HAPLN2: variants seen among roughly 807,000 people sequenced by gnomAD.
HAPLN2 encodes the protein hyaluronan and proteoglycan link protein 2, also known as brain link protein-1.
A neutral mutation model predicts 29.3 loss-of-function variants in HAPLN2; 27 were observed. That is an observed-to-expected ratio of 0.92 (90% CI 0.68 to 1.27). The LOEUF (loss-of-function observed/expected upper bound fraction) is 1.27. Among genes scored for constraint, HAPLN2 ranks in the 50% most tolerant of loss-of-function variants. The pLI is 0.00. For synonymous variants in HAPLN2, 208 were observed against 211.7 expected, an observed-to-expected ratio of 0.98 and a Z score of 0.15; for missense variants, 454 against 484.3, an observed-to-expected ratio of 0.94 and a Z score of 0.59.
At chr1:156,623,334 C>T (rs1308247136) in intron 2 of HAPLN2, 133 bp from the exon 3 acceptor site, 3 of 671,174 alleles carry the variant, frequency 4.5e-6, no homozygotes, top group East Asian at 2.8e-5. Context: ...GTCACCAACC[C>T]CTTTTCTCTG....
chr1:156,605,245 G>A, the HAPLN2 span, among the ~76,000 whole-genome samples: 3 of 150,022 alleles, frequency 2.0e-5, no homozygotes, highest in African/African-American at 2.5e-5. Flanking sequence ...CAGCCTGTAC[G>A]ATAGGGTGAG....
the HAPLN2 span, among the ~76,000 whole-genome samples, chr1:156,612,822 A>G: frequency 6.6e-6 from 1 of 151,898 alleles, no homozygotes; most frequent in Non-Finnish European, 1.5e-5. Flanking sequence ...CTTCCTAAAA[A>G]CTCTTGCAGT....
intron 2 of HAPLN2, among the ~76,000 whole-genome samples, chr1:156,621,945 G>A (rs1294961224): frequency 6.7e-6 from 1 of 149,740 alleles, no homozygotes; most frequent in African/African-American, 2.5e-5. Context: ...AACAGAGCGA[G>A]ACTCCATCTA....
At chr1:156,602,499 G>A in the HAPLN2 span, among the ~76,000 whole-genome samples, 1 of 124,172 alleles carries the variant, frequency 8.1e-6, no homozygotes, top group Non-Finnish European at 1.6e-5. Context: ...CTTGAGCCCA[G>A]AAGTTCAAGA....
At chr1:156,618,375 G>A (rs1326738397), upstream of HAPLN2, among the ~76,000 whole-genome samples, 1 of 150,840 alleles carries the variant, frequency 6.6e-6, no homozygotes, top group Non-Finnish European at 1.5e-5. Flanking sequence ...AGATAATTTC[G>A]AGGCTAAGGG....
chr1:156,623,478 CT>C lies in HAPLN2; in HGVS notation c.-12del, dbSNP rs777327763. ...TTTGTGCCCTGCAGACGGTGCCGGG[CT>C]GACCCCCCATCATGCCAGGCTGGCT... On this transcript the variant is annotated 5_prime_UTR_variant, in exon 3 of 7. Coordinates refer to ENST00000255039, the MANE Select transcript of HAPLN2 (RefSeq NM_021817.3). 6 of 1,613,726 alleles carry C rather than the reference CT, an allele frequency of 3.7e-6. No individual in the cohort carries two copies. The highest frequency in any genetic ancestry group is 5.1e-6 in the Non-Finnish European group (6 of 1,179,918).
chr1:156,624,739 T>C lies in HAPLN2; in HGVS notation c.695T>C (p.Met232Thr). 6.4e-7 allele frequency: 1 copy of C among 1,556,664 alleles called. No individual in the cohort carries two copies. ...GIRSYGPRDR[M>T]RDRYDAFCFT... ...CGCAGCTACGGACCCCGCGACCGGA[T>C]GCGCGACCGCTACGACGCCTTCTGC... is the stretch of plus-strand genomic sequence containing the variant. The change falls in exon 6 of 7, where the codon ATG becomes ACG. Residue 232 changes from methionine to threonine, a missense_variant. By Grantham distance (81) the Met-to-Thr change is moderately conservative. Coordinates refer to ENST00000255039, the MANE Select transcript of HAPLN2 (RefSeq NM_021817.3).
the HAPLN2 span, among the ~76,000 whole-genome samples, chr1:156,610,150 G>T: frequency 1.3e-5 from 2 of 152,046 alleles, no homozygotes; most frequent in Non-Finnish European, 2.9e-5. Flanking sequence ...GGAGGTGGAG[G>T]TTCCAATGAG....
rs1051699807 is a variant in HAPLN2, at chr1:156,624,778, T to A, written c.734T>A (p.Leu245Gln). 14 of 1,502,568 alleles carry A rather than the reference T, an allele frequency of 9.3e-6. No individual in the cohort carries two copies. The African/African-American group carries it at 1.9e-4, about 21-fold the overall frequency. The allele number at this position is 1,502,568 out of a possible 1,614,324, so 93.1% of individuals were successfully genotyped here. A position where few individuals can be genotyped will look rare whatever the true frequency, so the allele number is the denominator to read the frequency against. Residue 245 changes from leucine to glutamine, a missense_variant, in exon 6 of 7, where the codon CTG becomes CAG. Transcript: ENST00000255039. The stretch of plus-strand genomic sequence containing the variant: ...GACGCCTTCTGCTTCACCTCCGCGC[T>A]GGCGGGTGAGGCGCGGGACGAAGGC... ...RYDAFCFTSA[L>Q]AGQVFFVPGR...
chr1:156,608,783 C>T, the HAPLN2 span, among the ~76,000 whole-genome samples: 12 of 152,240 alleles, frequency 7.9e-5, no homozygotes, highest in African/African-American at 2.9e-4. Context: ...CCTCGTGATC[C>T]ACCCGCCCTC....
chr1:156,625,594 A>C lies in HAPLN2; in HGVS notation c.*210A>C. The C allele has an allele frequency of 1.9e-6, 1 of 516,166 alleles. No homozygotes were observed. The highest frequency in any genetic ancestry group is 3.3e-6 in the Non-Finnish European group (1 of 303,184). The allele number at this position is 516,166 out of a possible 1,614,324, so 32.0% of individuals were successfully genotyped here. A position where few individuals can be genotyped will look rare whatever the true frequency, so the allele number is the denominator to read the frequency against. ...GGGGGCGCCTCCGGCGGCGAGATGCAGAGGTGACCCTCGGACCCGCTGCCG... is the reference window on the plus strand; with the variant it reads ...GGGGGCGCCTCCGGCGGCGAGATGCCGAGGTGACCCTCGGACCCGCTGCCG... On this transcript the variant is annotated 3_prime_UTR_variant, in exon 7 of 7. Transcript: ENST00000255039. The surrounding 1 kb of genome is among the most constrained non-coding windows in gnomAD (Gnocchi z 5.7).
the HAPLN2 span, among the ~76,000 whole-genome samples, chr1:156,604,840 A>G: frequency 6.6e-6 from 1 of 152,224 alleles, no homozygotes; most frequent in Admixed American, 6.5e-5. Flanking sequence ...ATGGAATAGA[A>G]GACAATATTG....
chr1:156,609,826 G>A, the HAPLN2 span, among the ~76,000 whole-genome samples: 1 of 151,970 alleles, frequency 6.6e-6, no homozygotes, highest in East Asian at 1.9e-4. Flanking sequence ...TTACTACCTG[G>A]GTGACAAAAT....
upstream of HAPLN2, among the ~76,000 whole-genome samples, chr1:156,618,778 C>CAAAA (rs67222173): frequency 9.6e-5 from 4 of 41,642 alleles, no homozygotes; most frequent in African/African-American, 1.4e-4. Context: ...GACTCCGTCT[C>CAAAA]AAAAAAAAAA....
In HAPLN2 at chr1:156,624,638, G is replaced by A. The variant is rs1311966905; in HGVS notation, c.594G>A (p.Trp198Ter). The change falls in exon 6 of 7, where the codon TGG (tryptophan) becomes TGA (stop). Residue 198 changes from tryptophan to a stop codon, truncating the protein, a stop_gained. Transcript: ENST00000255039. LOFTEE classifies it high-confidence loss of function. ...TEGLDWCNAG[W>*]LLEGSVRYPV... is the part of the protein sequence containing the mutation. ...GTCTGGACTGGTGTAACGCGGGCTGGCTGCTCGAGGGCTCCGTGCGCTACC... is the reference window on the plus strand; with the variant it reads ...GTCTGGACTGGTGTAACGCGGGCTGACTGCTCGAGGGCTCCGTGCGCTACC... The A allele has an allele frequency of 6.2e-7, 1 of 1,612,242 alleles. No homozygotes were observed. The highest frequency in any genetic ancestry group is 8.5e-7 in the Non-Finnish European group (1 of 1,179,594).
rs752334491 is a variant in HAPLN2 at position 156,623,452 on chromosome 1, CTT to C, written c.-24-13_-24-12del. 9.3e-5 allele frequency: 150 copies of C among 1,610,254 alleles called. 2 individuals carry two copies. The South Asian group carries it at 1.6e-3, about 17-fold the overall frequency. Reference sequence around the variant, plus strand: ...GCCCCAGTCCTAAGAACTGCCCACTCTTTGTGCCCTGCAGACGGTGCCGGGCT... The same window carrying C: ...GCCCCAGTCCTAAGAACTGCCCACTCTGTGCCCTGCAGACGGTGCCGGGCT... On this transcript the variant is annotated splice_polypyrimidine_tract_variant and intron_variant, in intron 2 of 6. Transcript: ENST00000255039.
chr1:156,603,338 T>G, the HAPLN2 span, among the ~76,000 whole-genome samples: 3 of 151,892 alleles, frequency 2.0e-5, no homozygotes, highest in Admixed American at 2.0e-4. Flanking sequence ...CATGCCACTG[T>G]GCCGGGGCAA....
At chr1:156,609,078 A>G in the HAPLN2 span, among the ~76,000 whole-genome samples, 1 of 152,156 alleles carries the variant, frequency 6.6e-6, no homozygotes, top group Non-Finnish European at 1.5e-5. Context: ...CACAGGAAAA[A>G]CAGAGGTCTG....
chr1:156,615,290 A>C (rs1411939442), upstream of HAPLN2: 3 of 152,186 alleles, frequency 2.0e-5, no homozygotes, highest in Non-Finnish European at 4.4e-5. Context: ...TCTGGGGAGT[A>C]AGCCTTGCAT....
Sources: gnomAD v4.1 joint callset for allele counts (sites outside exome capture counted in the v4.1 genomes callset) on GRCh38, gnomAD v4.1.1 for gene constraint, Gnocchi (gnomAD v3.1) non-coding constraint, MANE v1.5 for transcripts, NCBI Gene and HGNC (gene_info 2026-07-23, HGNC 2026-07-21) for gene names.